Variants in EXOC4 observed in about 807,000 individuals in gnomAD.
EXOC4 encodes exocyst complex component 4.
Under a neutral mutation model 107.2 loss-of-function variants are expected in EXOC4, and 71 were observed. The observed-to-expected ratio is 0.66, with a 90% confidence interval of 0.55 to 0.81. The LOEUF (loss-of-function observed/expected upper bound fraction) is 0.81. EXOC4 is among the 30% of genes least tolerant of loss of function. EXOC4 has a pLI of 0.00. For missense variants in EXOC4, 1,108 were observed against 1,189.6 expected (o/e 0.93, Z 1.01); for synonymous variants, 456 against 441.2 (o/e 1.03, Z -0.42).
intron 17 of EXOC4, among the ~76,000 whole-genome samples, chr7:134,047,835 C>T (rs777136056): frequency 5.9e-5 from 9 of 152,304 alleles, no homozygotes; most frequent in East Asian, 3.9e-4. Context: ...GTAACCTAAC[C>T]GGACAGGTTC....
chr7:133,971,462 T>A (rs1801236235), intron 14 of EXOC4, among the ~76,000 whole-genome samples: 1 of 149,964 alleles, frequency 6.7e-6, no homozygotes, highest in Non-Finnish European at 1.5e-5. Flanking sequence ...TATGAGAATA[T>A]GTGAATATAT....
chr7:133,840,494 TTTTA>T (rs200907309), intron 11 of EXOC4, among the ~76,000 whole-genome samples: 3 of 151,178 alleles, frequency 2.0e-5, no homozygotes, highest in African/African-American at 7.4e-5. Flanking sequence ...TTTTATTGTA[TTTTA>T]TTTATTTATT....
intron 2 of EXOC4, among the ~76,000 whole-genome samples, chr7:133,280,367 G>A (rs1794104516): frequency 6.6e-6 from 1 of 152,136 alleles, no homozygotes; most frequent in Non-Finnish European, 1.5e-5. Context: ...TATTGTAGCA[G>A]CAGCACCAAA....
At chr7:133,617,500 G>A (rs1181250352) in intron 9 of EXOC4, among the ~76,000 whole-genome samples, 1 of 152,154 alleles carries the variant, frequency 6.6e-6, no homozygotes, top group Non-Finnish European at 1.5e-5. Flanking sequence ...GAACTGCAGA[G>A]AGATATTAGA....
At chr7:133,473,596 T>G (rs1387317647) in intron 7 of EXOC4, among the ~76,000 whole-genome samples, 1 of 152,192 alleles carries the variant, frequency 6.6e-6, no homozygotes. Context: ...AATCCTACTC[T>G]GTTGTGTTTT....
chr7:133,384,147 G>A (rs941877585), intron 7 of EXOC4, among the ~76,000 whole-genome samples: 3 of 152,140 alleles, frequency 2.0e-5, no homozygotes, highest in Non-Finnish European at 4.4e-5. Context: ...GAGTGCTAGG[G>A]TGTCTAATGC....
chr7:133,691,978 G>A (rs73451142), intron 10 of EXOC4, among the ~76,000 whole-genome samples: 2,605 of 152,188 alleles, frequency 0.017, 85 homozygotes, highest in African/African-American at 0.061. Context: ...TGCTGTTGGA[G>A]AGACCATCTC....
chr7:133,600,161 C>T (rs182716974), intron 9 of EXOC4, among the ~76,000 whole-genome samples: 3 of 152,104 alleles, frequency 2.0e-5, no homozygotes, highest in Non-Finnish European at 2.9e-5. Flanking sequence ...CTTGGCCTCC[C>T]GAAGTGCTGA....
intron 10 of EXOC4, among the ~76,000 whole-genome samples, chr7:133,683,226 A>C (rs1261594725): frequency 6.6e-6 from 1 of 152,148 alleles, no homozygotes; most frequent in African/African-American, 2.4e-5. Context: ...AGAAGGAGTA[A>C]AGTCACTGAG....
intron 12 of EXOC4, among the ~76,000 whole-genome samples, chr7:133,903,554 A>G (rs1799502651): frequency 6.6e-6 from 1 of 152,180 alleles, no homozygotes; most frequent in African/African-American, 2.4e-5. Flanking sequence ...AGCAGTGAAA[A>G]GATGGATGGA....
At chr7:133,856,562 T>C (rs1469547255) in intron 11 of EXOC4, among the ~76,000 whole-genome samples, 1 of 152,162 alleles carries the variant, frequency 6.6e-6, no homozygotes, top group Non-Finnish European at 1.5e-5. Context: ...AGAGAGAAAA[T>C]GTGTTGAATG....
intron 9 of EXOC4, among the ~76,000 whole-genome samples, chr7:133,567,940 TGGTGCAGATGTTC>T (rs1375028290): frequency 6.6e-6 from 1 of 152,210 alleles, no homozygotes; most frequent in Admixed American, 6.5e-5. Flanking sequence ...ACATGAGTTA[TGGTGCAGATGTTC>T]AAGCCATAGC....
intron 9 of EXOC4, among the ~76,000 whole-genome samples, chr7:133,499,063 T>C (rs71535758): frequency 6.6e-6 from 1 of 151,850 alleles, no homozygotes; most frequent in Admixed American, 6.6e-5. Flanking sequence ...CGGTAGTATG[T>C]CTTCTTCTTT....
intron 8 of EXOC4, among the ~76,000 whole-genome samples, chr7:133,476,865 C>G (rs1450506948): frequency 6.6e-6 from 1 of 152,230 alleles, no homozygotes; most frequent in East Asian, 1.9e-4. Context: ...TTCCATCTCT[C>G]TGCATTGCCA....
chr7:133,917,613 C>T lies in EXOC4; in HGVS notation c.1902C>T (p.Val634=). The T allele has an allele frequency of 6.2e-7, 1 of 1,613,992 alleles. No homozygotes were observed. The highest frequency in any genetic ancestry group is 8.5e-7 in the Non-Finnish European group (1 of 1,179,968). ...TTGTCCAGTCAGAAGAAAAACTTGT[C>T]ATCAGTGCATCCTGGGCAAAAGATG... is the stretch of plus-strand genomic sequence containing the variant. ...RGIVQSEEKL[V]ISASWAKDDD... is the part of the protein sequence containing the mutation. The change falls in exon 13 of 18, where the codon GTC becomes GTT. Residue 634 remains valine (V), a synonymous_variant. Coordinates refer to ENST00000253861, the MANE Select transcript of EXOC4 (RefSeq NM_021807.4).
At chr7:134,040,994 T>TA (rs1795502706) in intron 17 of EXOC4, among the ~76,000 whole-genome samples, 1 of 152,186 alleles carries the variant, frequency 6.6e-6, no homozygotes, top group South Asian at 2.1e-4. Flanking sequence ...TACCCTCTAA[T>TA]AAAGCCGAAC....
intron 11 of EXOC4, among the ~76,000 whole-genome samples, chr7:133,840,223 A>C (rs1797997613): frequency 6.6e-6 from 1 of 152,220 alleles, no homozygotes; most frequent in Non-Finnish European, 1.5e-5. Flanking sequence ...GAGTGAATGG[A>C]TGTACTGCAT....
At chr7:133,596,020 T>C (rs1481420496) in intron 9 of EXOC4, among the ~76,000 whole-genome samples, 2 of 152,220 alleles carry the variant, frequency 1.3e-5, no homozygotes, top group Non-Finnish European at 2.9e-5. Context: ...TCCCATTTGC[T>C]TTGCTCCAAC....
chr7:133,312,833 TA>T (rs777290558), intron 4 of EXOC4, among the ~76,000 whole-genome samples: 26 of 152,076 alleles, frequency 1.7e-4, no homozygotes, highest in African/African-American at 5.8e-4. Context: ...GTGAATGGAT[TA>T]TTTTTTTTTT....
Sources: gnomAD v4.1 joint callset for allele counts (sites outside exome capture counted in the v4.1 genomes callset) on GRCh38, gnomAD v4.1.1 for gene constraint, MANE v1.5 for transcripts, NCBI Gene and HGNC (gene_info 2026-07-23, HGNC 2026-07-21) for gene names.